The following TLK1 variants were observed in gnomAD, a reference collection of about 807,000 sequenced individuals.
TLK1 encodes the protein tousled like kinase 1.
In TLK1, 24 loss-of-function variants were observed where a neutral mutation model predicts 105.3. The observed-to-expected ratio is 0.23, with a 90% CI of 0.17 to 0.32. The LOEUF is 0.32. Among genes scored for constraint, TLK1 ranks in the 10% least tolerant of loss-of-function variants. The probability of loss-of-function intolerance (pLI) is 1.00; values close to 1 mark genes in which losing one functional copy is unlikely to be tolerated. For synonymous variants in TLK1, 321 were observed against 310.4 expected (o/e 1.03, Z -0.36); for missense variants, 558 against 910.5 (o/e 0.61, Z 4.98).
At position 171,001,793 on chromosome 2, in the gene TLK1, T is replaced by C. The variant is rs116833436; in HGVS notation, c.1905-3970A>G. Among the ~76,000 whole-genome samples the C allele has an allele frequency of 1.5e-3, 227 of 152,302 alleles. 1 individual carries two copies. Among genetic ancestry groups the C allele is most frequent in the African/African-American group, 5.3e-3 (219 of 41,570 alleles). ...TCTTTTTCATTCATTCATTCATTCATGAATGAATGAGACCGAATCTTGCTG... is the reference window on the plus strand; with the variant it reads ...TCTTTTTCATTCATTCATTCATTCACGAATGAATGAGACCGAATCTTGCTG... On this transcript the variant is annotated intron_variant, in intron 18 of 20. Coordinates refer to ENST00000431350, the MANE Select transcript of TLK1 (RefSeq NM_012290.5).
rs139392640 is a variant in TLK1, at chr2:171,225,594, C to T, written c.-6+5551G>A. ...TAAAAACTTAAACACAGAGTTACTG[C>T]GACCCAGATTTTCCACTCTATACAT... is the stretch of plus-strand genomic sequence containing the variant. On this transcript the variant is annotated intron_variant, in intron 1 of 20. Transcript: ENST00000521943. Among the ~76,000 whole-genome samples, 161 of 152,148 alleles carry T rather than the reference C, an allele frequency of 1.1e-3. 2 individuals carry two copies. Among genetic ancestry groups the T allele is most frequent in the South Asian group, 4.6e-3 (22 of 4,820 alleles).
chr2:171,069,713 C>T (rs1008771579), intron 3 of TLK1, among the ~76,000 whole-genome samples: 3 of 152,108 alleles, frequency 2.0e-5, no homozygotes. Flanking sequence ...TACTTTCATT[C>T]TGAGTTTACA....
At chr2:171,083,716 A>G (rs953245632) in intron 2 of TLK1, among the ~76,000 whole-genome samples, 4 of 152,198 alleles carry the variant, frequency 2.6e-5, no homozygotes, top group African/African-American at 9.6e-5. Flanking sequence ...CAGTTAGACT[A>G]TAATTATATA....
intron 1 of TLK1, among the ~76,000 whole-genome samples, chr2:171,148,879 TAA>T (rs745504391): frequency 9.6e-6 from 1 of 103,950 alleles, no homozygotes; most frequent in South Asian, 3.1e-4. Context: ...GACTCTGTCT[TAA>T]AAAAAAAAAA....
At chr2:171,073,138 A>G (rs1688338205) in intron 3 of TLK1, among the ~76,000 whole-genome samples, 3 of 152,134 alleles carry the variant, frequency 2.0e-5, no homozygotes, top group South Asian at 4.1e-4. Flanking sequence ...TTTTCCAAAT[A>G]TAAGATTATA....
At chr2:171,078,039 C>A (rs900897872) in intron 3 of TLK1, among the ~76,000 whole-genome samples, 1 of 152,116 alleles carries the variant, frequency 6.6e-6, no homozygotes, top group Non-Finnish European at 1.5e-5. Flanking sequence ...TGCCAAAGAC[C>A]CCTAGGTCTT....
At chr2:171,031,213 A>G (rs1413898969) in intron 11 of TLK1, among the ~76,000 whole-genome samples, 1 of 152,156 alleles carries the variant, frequency 6.6e-6, no homozygotes, top group Non-Finnish European at 1.5e-5. Context: ...AGGAAGTATT[A>G]GGGATTATTA....
At chr2:171,212,828 A>G (rs1005931901) in intron 1 of TLK1, among the ~76,000 whole-genome samples, 4 of 152,158 alleles carry the variant, frequency 2.6e-5, no homozygotes, top group Non-Finnish European at 4.4e-5. Flanking sequence ...GATTGTACAC[A>G]GCATTTTAGT....
At chr2:171,068,347 A>T (rs1688107330) in intron 3 of TLK1, among the ~76,000 whole-genome samples, 1 of 152,006 alleles carries the variant, frequency 6.6e-6, no homozygotes, top group Admixed American at 6.6e-5. Context: ...AAAACAAACA[A>T]AAAAAAGAAA....
chr2:171,195,497 GTCTC>G (rs1383601029), intron 1 of TLK1, among the ~76,000 whole-genome samples: 3 of 98,076 alleles, frequency 3.1e-5, no homozygotes, highest in Non-Finnish European at 5.4e-5. Flanking sequence ...GCAAGACTCT[GTCTC>G]AAAAAAAAAA....
intron 3 of TLK1, among the ~76,000 whole-genome samples, chr2:171,082,167 T>G (rs1688785387): frequency 6.6e-6 from 1 of 151,964 alleles, no homozygotes; most frequent in Non-Finnish European, 1.5e-5. Flanking sequence ...GTCTACCCAT[T>G]TTTAAAAGAT....
Position 171,160,548 on chromosome 2 carries a change from G to A in TLK1, c.-120C>T, listed in dbSNP as rs1258716406. ...GGGCGAGCGAGAGAGCGAGGGCTGG[G>A]AGGGGAGAGTCAAGGGGATGGGGGA... On this transcript the variant is annotated 5_prime_UTR_variant, in exon 1 of 21. Coordinates refer to ENST00000431350, the MANE Select transcript of TLK1 (RefSeq NM_012290.5). The surrounding 1 kb of genome is among the most constrained non-coding windows in gnomAD (Gnocchi z 4.4). The A allele has an allele frequency of 2.4e-5, 37 of 1,534,936 alleles. No homozygotes were observed. Among genetic ancestry groups the A allele is most frequent in the Non-Finnish European group, 3.1e-5 (36 of 1,143,348 alleles).
chr2:171,212,910 C>A (rs1334558389), intron 1 of TLK1, among the ~76,000 whole-genome samples: 3 of 135,616 alleles, frequency 2.2e-5, no homozygotes, highest in Admixed American at 7.4e-5. Flanking sequence ...TTAAAAAAAA[C>A]AAGCAAAATG....
intron 2 of TLK1, among the ~76,000 whole-genome samples, chr2:171,086,041 C>T (rs527384256): frequency 3.9e-5 from 6 of 152,106 alleles, no homozygotes; most frequent in African/African-American, 1.4e-4. Flanking sequence ...TCCTCTGCTT[C>T]GTATCTTCGA....
intron 1 of TLK1, among the ~76,000 whole-genome samples, chr2:171,142,968 G>C (rs1276247916): frequency 6.6e-6 from 1 of 152,130 alleles, no homozygotes; most frequent in African/African-American, 2.4e-5. Flanking sequence ...CAGCTACTCC[G>C]GAGGGATTCG....
intron 1 of TLK1, among the ~76,000 whole-genome samples, chr2:171,229,746 C>T (rs10200190): frequency 0.054 from 8,296 of 152,292 alleles, 491 homozygotes; most frequent in East Asian, 0.25. Flanking sequence ...TTAGGTATTG[C>T]CTCCGCCTAA....
At chr2:171,117,892 A>T (rs571619834) in intron 1 of TLK1, 35 bp from the exon 2 acceptor site, 1 of 1,422,348 alleles carries the variant, frequency 7.0e-7, no homozygotes, top group East Asian at 2.3e-5. Flanking sequence ...GTACACATAT[A>T]TATGTGTGTA....
chr2:171,159,950 T>C (rs1349688966), intron 1 of TLK1: 3 of 227,786 alleles, frequency 1.3e-5, no homozygotes, highest in East Asian at 8.7e-5. Flanking sequence ...CTGAGTGTAC[T>C]GGCAAATGGA....
At chr2:171,102,381 ACTC>A (rs934615832) in intron 2 of TLK1, among the ~76,000 whole-genome samples, 26 of 152,094 alleles carry the variant, frequency 1.7e-4, no homozygotes, top group African/African-American at 5.8e-4. Flanking sequence ...GTGTGTAATG[ACTC>A]CTCATTATGT....
Sources: gnomAD v4.1 joint callset for allele counts (sites outside exome capture counted in the v4.1 genomes callset) on GRCh38, gnomAD v4.1.1 for gene constraint, Gnocchi (gnomAD v3.1) non-coding constraint, MANE v1.5 for transcripts, NCBI Gene and HGNC (gene_info 2026-07-23, HGNC 2026-07-21) for gene names.